SCFD2: variants seen among roughly 807,000 people sequenced by gnomAD.
SCFD2 encodes sec1 family domain-containing protein 2.
SCFD2 carries 54 observed loss-of-function variants against 58.9 expected under a neutral mutation model. The observed-to-expected ratio is 0.92, with a 90% CI of 0.74 to 1.15. The LOEUF is 1.15. Among genes scored for constraint, SCFD2 ranks in the 50% most tolerant of loss-of-function variants. The probability of loss-of-function intolerance (pLI) is 0.00; values close to 1 mark genes in which losing one functional copy is unlikely to be tolerated. For missense variants in SCFD2, 805 were observed against 836.6 expected, an observed-to-expected ratio of 0.96 and a Z score of 0.47; for synonymous variants, 321 against 335.9, an observed-to-expected ratio of 0.96 and a Z score of 0.49.
chr4:53,273,709 G>A (rs1731244161), intron 4 of SCFD2, 117 bp downstream of exon 4: 2 of 903,110 alleles, frequency 2.2e-6, no homozygotes, highest in Admixed American at 3.4e-5. Context: ...AGAATATGAA[G>A]CAGGGCACAT....
At chr4:53,337,047 C>G (rs1577981407) in intron 2 of SCFD2, among the ~76,000 whole-genome samples, 3 of 152,194 alleles carry the variant, frequency 2.0e-5, no homozygotes, top group Admixed American at 2.0e-4. Context: ...GTGTATTAGT[C>G]TACTCCAGTT....
intron 5 of SCFD2, among the ~76,000 whole-genome samples, chr4:53,116,187 G>C (rs1410070366): frequency 6.6e-6 from 1 of 152,158 alleles, no homozygotes; most frequent in Non-Finnish European, 1.5e-5. Context: ...GAGGATGTAT[G>C]TTAGTCAGGA....
intron 5 of SCFD2, among the ~76,000 whole-genome samples, chr4:52,973,681 C>T (rs945933447): frequency 3.9e-5 from 6 of 152,194 alleles, no homozygotes; most frequent in African/African-American, 1.4e-4. Context: ...AGGCCAGCAT[C>T]ATCCTGATAC....
chr4:53,154,682 C>T (rs920913384), intron 4 of SCFD2, among the ~76,000 whole-genome samples: 14 of 152,232 alleles, frequency 9.2e-5, no homozygotes, highest in Admixed American at 2.6e-4. Context: ...TCCCTGGAAT[C>T]TGTGACTGTG....
At chr4:53,124,367 A>C (rs887780270) in intron 5 of SCFD2, among the ~76,000 whole-genome samples, 4 of 152,234 alleles carry the variant, frequency 2.6e-5, no homozygotes, top group Non-Finnish European at 5.9e-5. Flanking sequence ...CTGAGAAAAG[A>C]AGCATAGAAA....
intron 4 of SCFD2, among the ~76,000 whole-genome samples, chr4:53,229,186 C>T (rs1341854997): frequency 6.6e-6 from 1 of 152,132 alleles, no homozygotes; most frequent in East Asian, 1.9e-4. Context: ...GTGAAAATGG[C>T]CATACTGCCC....
chr4:53,356,872 G>A (rs1734416988), intron 1 of SCFD2, among the ~76,000 whole-genome samples: 1 of 151,884 alleles, frequency 6.6e-6, no homozygotes, highest in African/African-American at 2.4e-5. Context: ...GAGTAGCTGG[G>A]ACTACAGGCG....
At chr4:53,028,416 T>C (rs1238084973) in intron 5 of SCFD2, among the ~76,000 whole-genome samples, 1 of 152,190 alleles carries the variant, frequency 6.6e-6, no homozygotes, top group Non-Finnish European at 1.5e-5. Flanking sequence ...GTAAAATTAT[T>C]TGTAGGCTAA....
At chr4:52,879,398 G>T (rs1187251408) in intron 8 of SCFD2, among the ~76,000 whole-genome samples, 1 of 152,238 alleles carries the variant, frequency 6.6e-6, no homozygotes, top group Admixed American at 6.5e-5. Context: ...CACTGCAACT[G>T]CAGGGCAGTT....
At chr4:53,013,386 C>T (rs1722140876) in intron 5 of SCFD2, among the ~76,000 whole-genome samples, 1 of 152,234 alleles carries the variant, frequency 6.6e-6, no homozygotes, top group Non-Finnish European at 1.5e-5. Flanking sequence ...ATTCCTTTCA[C>T]TATAAATGTC....
At chr4:53,159,263 A>C (rs963225797) in intron 4 of SCFD2, among the ~76,000 whole-genome samples, 7 of 152,202 alleles carry the variant, frequency 4.6e-5, no homozygotes, top group African/African-American at 7.2e-5. Flanking sequence ...TAATATGGCT[A>C]TAATTATTAC....
chr4:52,894,240 ACTT>A (rs960801257), intron 7 of SCFD2, among the ~76,000 whole-genome samples: 10 of 152,206 alleles, frequency 6.6e-5, no homozygotes, highest in Admixed American at 5.9e-4. Flanking sequence ...CAAAAAAAGA[ACTT>A]CTTAAAAAGC....
intron 5 of SCFD2, among the ~76,000 whole-genome samples, chr4:53,110,615 T>C (rs1725141845): frequency 1.3e-5 from 2 of 152,144 alleles, no homozygotes; most frequent in African/African-American, 2.4e-5. Flanking sequence ...CTCAGAGAAA[T>C]GCAAATCAAA....
chr4:52,997,409 CGAAAAAGCCTATTGTAG>C (rs1560505444), intron 5 of SCFD2, among the ~76,000 whole-genome samples: 1 of 152,156 alleles, frequency 6.6e-6, no homozygotes, highest in East Asian at 1.9e-4. Context: ...AATAGAAAGG[CGAAAAAGCCTATTGTAG>C]TGTGTCTTCT....
chr4:52,965,489 CT>C (rs1211752366), intron 5 of SCFD2, among the ~76,000 whole-genome samples: 2 of 152,196 alleles, frequency 1.3e-5, no homozygotes, highest in African/African-American at 4.8e-5. Flanking sequence ...CTTCCTTATT[CT>C]TCTCATGTTT....
rs868089826 is a variant in SCFD2, at chr4:53,218,587, A to G, written c.1311+55239T>C. 2.6e-5 allele frequency among the ~76,000 whole-genome samples: 4 copies of G among 152,294 alleles called. 1 individual carries two copies. The South Asian group carries it at 8.3e-4, about 32-fold the overall frequency. The stretch of plus-strand genomic sequence containing the variant: ...TTTAGCTTCTTTGCGATGGGTTTGC[A>G]CTTCCTACTTTAGCTCAGAGAAGTT... On this transcript the variant is annotated intron_variant, in intron 4 of 8. Transcript: ENST00000401642.
chr4:53,074,888 C>G (rs188570204), intron 5 of SCFD2, among the ~76,000 whole-genome samples: 1 of 152,108 alleles, frequency 6.6e-6, no homozygotes, highest in Non-Finnish European at 1.5e-5. Context: ...GAATGGTAAA[C>G]GAGCATTTGC....
At chr4:53,290,817 G>A (rs2149086015) in intron 3 of SCFD2, among the ~76,000 whole-genome samples, 1 of 152,176 alleles carries the variant, frequency 6.6e-6, no homozygotes, top group African/African-American at 2.4e-5. Flanking sequence ...GTACTATTAT[G>A]AACAATTTTA....
intron 5 of SCFD2, among the ~76,000 whole-genome samples, chr4:53,053,225 A>G (rs1308000892): frequency 6.6e-6 from 1 of 151,556 alleles, no homozygotes; most frequent in Non-Finnish European, 1.5e-5. Context: ...ACCGTCTCAA[A>G]AAAAAAAAAA....
Sources: allele counts gnomAD v4.1 joint callset (sites outside exome capture counted in the v4.1 genomes callset), GRCh38; gene constraint gnomAD v4.1.1; transcripts MANE v1.5; gene names NCBI Gene and HGNC (gene_info 2026-07-23, HGNC 2026-07-21).